The following SUZ12 variants were observed in gnomAD, a reference collection of about 807,000 sequenced individuals.
SUZ12 encodes SUZ12 polycomb repressive complex 2 subunit, also known as polycomb protein SUZ12.
Under a neutral mutation model 87.3 loss-of-function variants are expected in SUZ12, and 17 were observed. The ratio of observed to expected loss-of-function variants is 0.19; its 90% CI spans 0.13 to 0.29. The LOEUF is 0.29. Ranked by LOEUF, SUZ12 falls within the 10% of genes least tolerant of loss-of-function variation. The pLI is 1.00. For missense variants in SUZ12, 526 were observed against 912.2 expected (o/e 0.58, Z 5.45); for synonymous variants, 253 against 312.4 (o/e 0.81, Z 2.01).
At chr17:31,973,576 A>G (rs1351819525) in intron 6 of SUZ12, among the ~76,000 whole-genome samples, 1 of 152,218 alleles carries the variant, frequency 6.6e-6, no homozygotes, top group Non-Finnish European at 1.5e-5. Flanking sequence ...GGTAAGGGCT[A>G]AGAGAGAGTT....
intron 4 of SUZ12, among the ~76,000 whole-genome samples, chr17:31,951,157 C>T (rs1334489425): frequency 2.0e-5 from 3 of 152,186 alleles, no homozygotes; most frequent in African/African-American, 7.2e-5. Context: ...CACTAGAATT[C>T]ATATTCCTTT....
At position 31,940,288 on chromosome 17, in the gene SUZ12, C is replaced by G; in HGVS notation, c.277C>G (p.Pro93Ala). 6.2e-7 allele frequency: 1 copy of G among 1,612,648 alleles called. No homozygotes were observed. The highest frequency in any genetic ancestry group is 8.5e-7 in the Non-Finnish European group (1 of 1,179,482). The stretch of plus-strand genomic sequence containing the variant: ...GGATTTTGTTTCCTATTACCTAGAG[C>G]CAACACAGATCTATAGATTTCTTCG... ...HELFLQAFEK[P>A]TQIYRFLRTR... Residue 93 changes from proline (P) to alanine (A), a missense_variant and splice_region_variant, in exon 2 of 16, where the codon CCA becomes GCA. This residue lies in a region of SUZ12 where 18 missense variants were observed against 62.3 expected (regional missense o/e 0.29). Transcript: ENST00000322652.
chr17:31,993,953 A>T lies in SUZ12; in HGVS notation c.1382A>T (p.Tyr461Phe). 1 of 1,613,946 alleles carries T rather than the reference A, an allele frequency of 6.2e-7. No individual in the cohort carries two copies. Among genetic ancestry groups the T allele is most frequent in the Non-Finnish European group, 8.5e-7 (1 of 1,179,978 alleles). The change falls in exon 12 of 16, where the codon TAT (tyrosine) becomes TTT (phenylalanine). Residue 461 changes from tyrosine to phenylalanine, a missense_variant. Tyr to Phe is a conservative substitution (Grantham distance 22, BLOSUM62 3). Coordinates refer to ENST00000322652, the MANE Select transcript of SUZ12 (RefSeq NM_015355.4). Reference sequence around the variant, plus strand: ...TGTACTCTGAACTGCCGCAAACTTTATAGTTTACTCAAGCATCTTAAACTC... The same window carrying T: ...TGTACTCTGAACTGCCGCAAACTTTTTAGTTTACTCAAGCATCTTAAACTC... ...PWCTLNCRKL[Y>F]SLLKHLKLCH...
In SUZ12 at chr17:31,937,137, T is replaced by G. The variant is rs375179452; in HGVS notation, c.-110T>G. The G allele has an allele frequency of 1.1e-6, 1 of 947,770 alleles. No homozygotes were observed. The highest frequency in any genetic ancestry group is 1.4e-6 in the Non-Finnish European group (1 of 699,822). 58.7% of individuals were successfully genotyped at this position (947,770 alleles called of 1,614,324 possible). On this transcript the variant is annotated 5_prime_UTR_variant, in exon 1 of 16. Coordinates refer to ENST00000322652, the MANE Select transcript of SUZ12 (RefSeq NM_015355.4). ...CCCCTCTCCTCCCCTCTCTCCTCCT[T>G]CCCCCCTCGGTCCGCCGGAGCCTGC...
chr17:31,938,845 TGAGTC>T (rs1906100399), intron 1 of SUZ12, among the ~76,000 whole-genome samples: 1 of 152,232 alleles, frequency 6.6e-6, no homozygotes, highest in Admixed American at 6.5e-5. Context: ...TGCGTTCTGA[TGAGTC>T]GACCTCAGGG....
chr17:31,949,292 A>G (rs1207894357), intron 4 of SUZ12, among the ~76,000 whole-genome samples: 1 of 152,180 alleles, frequency 6.6e-6, no homozygotes, highest in African/African-American at 2.4e-5. Flanking sequence ...GGTGGGTTCA[A>G]TAGCAACTCA....
chr17:31,986,365 C>G (rs2142200622), intron 9 of SUZ12, among the ~76,000 whole-genome samples: 1 of 152,180 alleles, frequency 6.6e-6, no homozygotes, highest in African/African-American at 2.4e-5. Context: ...CCTTAATTGA[C>G]TAAACCAGTG....
intron 3 of SUZ12, among the ~76,000 whole-genome samples, chr17:31,945,561 T>C (rs2142125992): frequency 6.6e-6 from 1 of 152,368 alleles, no homozygotes; most frequent in South Asian, 2.1e-4. Flanking sequence ...TCCTTTTCGA[T>C]GACCTTTTGA....
At chr17:31,982,467 C>G (rs1909170365) in intron 8 of SUZ12, among the ~76,000 whole-genome samples, 1 of 152,112 alleles carries the variant, frequency 6.6e-6, no homozygotes, top group Non-Finnish European at 1.5e-5. Flanking sequence ...TAAGACCAGC[C>G]TGGCCAAGAT....
rs1018319863 is a variant in SUZ12, at chr17:31,969,339, G to T, written c.505+3143G>T. 3.0e-4 allele frequency among the ~76,000 whole-genome samples: 45 copies of T among 152,172 alleles called. 1 individual carries two copies. The highest frequency in any genetic ancestry group is 1.1e-3 in the African/African-American group (44 of 41,522). On this transcript the variant is annotated intron_variant, in intron 5 of 15. Transcript: ENST00000322652. ...TTTTTGTATTTTTAGTAGAGATGGG[G>T]TTTCTCCACGTTGGTCAGGTTGGTC... is the stretch of plus-strand genomic sequence containing the variant.
chr17:31,990,902 C>T (rs2142209561), intron 10 of SUZ12, among the ~76,000 whole-genome samples: 1 of 152,150 alleles, frequency 6.6e-6, no homozygotes, highest in Non-Finnish European at 1.5e-5. Context: ...CTCGTGCCAC[C>T]ACGCCCTGTT....
In SUZ12 at chr17:32,000,410, G is replaced by A. The variant is rs919129282; in HGVS notation, c.*1407G>A. The A allele has an allele frequency of 8.6e-6, 2 of 232,264 alleles. No individual in the cohort carries two copies. The highest frequency in any genetic ancestry group is 2.2e-5 in the African/African-American group (1 of 45,248). The allele number at this position is 232,264 out of a possible 1,614,324, so 14.4% of individuals were successfully genotyped here. ...GTGTTTAACTGTGAGGCTATTTAAC[G>A]AATAGTGTGGATGTGATTTGTCATC... On this transcript the variant is annotated 3_prime_UTR_variant, in exon 16 of 16. Transcript: ENST00000322652.
chr17:31,942,124 T>C (rs1451793230), intron 3 of SUZ12, among the ~76,000 whole-genome samples: 2 of 152,240 alleles, frequency 1.3e-5, no homozygotes, highest in African/African-American at 2.4e-5. Context: ...AGTGCTGAGA[T>C]GACAGGCGTG....
At chr17:31,970,102 CTTTTG>C (rs1387189289) in intron 5 of SUZ12, among the ~76,000 whole-genome samples, 3 of 152,086 alleles carry the variant, frequency 2.0e-5, no homozygotes, top group African/African-American at 7.2e-5. Flanking sequence ...TAAATGAAAA[CTTTTG>C]TTTGGCAATT....
chr17:31,956,388 T>G lies in SUZ12; in HGVS notation c.455+8703T>G, dbSNP rs575859395. ...TTTTGTGTTTTAGTAGAGATGGGGT[T>G]TCACCGTGTTGGCCAGGATGGTCTT... On this transcript the variant is annotated intron_variant, in intron 4 of 15. Coordinates refer to ENST00000322652, the MANE Select transcript of SUZ12 (RefSeq NM_015355.4). Among the ~76,000 whole-genome samples the G allele has an allele frequency of 7.2e-5, 11 of 152,266 alleles. No homozygotes were observed. The South Asian group carries it at 2.1e-3, about 29-fold the overall frequency.
At chr17:31,979,147 T>TTGAA (rs927942343) in intron 8 of SUZ12, among the ~76,000 whole-genome samples, 3 of 148,006 alleles carry the variant, frequency 2.0e-5, no homozygotes, top group African/African-American at 7.4e-5. Flanking sequence ...GATAGGAAAG[T>TTGAA]TGAAAGAATA....
At chr17:31,959,459 T>C (rs1418554262) in intron 4 of SUZ12, among the ~76,000 whole-genome samples, 1 of 152,208 alleles carries the variant, frequency 6.6e-6, no homozygotes, top group African/African-American at 2.4e-5. Context: ...GTCTAACCCC[T>C]ATATTTTGAG....
intron 4 of SUZ12, among the ~76,000 whole-genome samples, chr17:31,955,446 A>T (rs1051534755): frequency 2.6e-5 from 4 of 151,950 alleles, no homozygotes; most frequent in African/African-American, 9.7e-5. Context: ...CCATGCCTGG[A>T]TGATTTTGTA....
chr17:31,962,663 C>T (rs1359946185), intron 4 of SUZ12, among the ~76,000 whole-genome samples: 2 of 152,262 alleles, frequency 1.3e-5, no homozygotes, highest in East Asian at 1.9e-4. Flanking sequence ...GATAACAGAC[C>T]GCAGCGAGTA....
Sources: allele counts gnomAD v4.1 joint callset (sites outside exome capture counted in the v4.1 genomes callset), GRCh38; gene constraint gnomAD v4.1.1; regional missense constraint gnomAD v4.1.1; transcripts MANE v1.5; gene names NCBI Gene and HGNC (gene_info 2026-07-23, HGNC 2026-07-21).